Variants in LMX1B observed in about 807,000 individuals in gnomAD.
LMX1B encodes the protein LIM homeobox transcription factor 1 beta, also known as LIM homeobox transcription factor 1-beta.
A neutral mutation model predicts 51.4 loss-of-function variants in LMX1B; 12 were observed. The ratio of observed to expected loss-of-function variants is 0.23; its 90% CI spans 0.15 to 0.38. The LOEUF is 0.38. Ranked by LOEUF, LMX1B falls within the 10% of genes least tolerant of loss-of-function variation. LMX1B has a pLI of 1.00. For synonymous variants in LMX1B, 237 were observed against 235.4 expected, an observed-to-expected ratio of 1.01 and a Z score of -0.06; for missense variants, 445 against 571.1, an observed-to-expected ratio of 0.78 and a Z score of 2.25.
At chr9:126,685,682 G>C (rs181286571) in intron 2 of LMX1B, among the ~76,000 whole-genome samples, 2 of 152,302 alleles carry the variant, frequency 1.3e-5, no homozygotes, top group African/African-American at 2.4e-5. Flanking sequence ...CAGTGACGGG[G>C]TGTGGGAATG....
intron 1 of LMX1B, 52 bp downstream of exon 1, chr9:126,614,640 C>G (rs559931842): frequency 6.8e-7 from 1 of 1,474,598 alleles, no homozygotes; most frequent in Non-Finnish European, 9.0e-7. Context: ...GATGGGGCGT[C>G]GTCCGGCTGT....
chr9:126,680,058 A>G (rs1368540913), intron 2 of LMX1B, among the ~76,000 whole-genome samples: 1 of 152,176 alleles, frequency 6.6e-6, no homozygotes, highest in Non-Finnish European at 1.5e-5. Flanking sequence ...GAGAAATCCA[A>G]AGGCCTCTGC....
chr9:126,637,715 C>T (rs1321512321), intron 2 of LMX1B, among the ~76,000 whole-genome samples: 2 of 151,930 alleles, frequency 1.3e-5, no homozygotes, highest in East Asian at 1.9e-4. Flanking sequence ...ACCAAGGCTC[C>T]GAGAGCCAGC....
At chr9:126,637,383 G>A (rs62578133) in intron 2 of LMX1B, among the ~76,000 whole-genome samples, 26,301 of 151,954 alleles carry the variant, frequency 0.17, 3,162 homozygotes, top group East Asian at 0.42. Context: ...GTGGCTGAGG[G>A]TGCCCACCTG....
At chr9:126,646,797 G>C (rs1172104585) in intron 2 of LMX1B, among the ~76,000 whole-genome samples, 2 of 152,204 alleles carry the variant, frequency 1.3e-5, no homozygotes, top group East Asian at 3.9e-4. Flanking sequence ...CAAGGTTCCT[G>C]TTCATACTCA....
chr9:126,639,671 G>C (rs562990970), intron 2 of LMX1B, among the ~76,000 whole-genome samples: 4 of 152,196 alleles, frequency 2.6e-5, no homozygotes, highest in Admixed American at 6.5e-5. Context: ...CCCTGGCCCT[G>C]CCTGTGCAAG....
intron 2 of LMX1B, among the ~76,000 whole-genome samples, chr9:126,640,155 G>A (rs1477859642): frequency 6.6e-6 from 1 of 152,242 alleles, no homozygotes; most frequent in East Asian, 1.9e-4. Flanking sequence ...CGTTGAAGGG[G>A]GAGCCCTTTG....
intron 2 of LMX1B, among the ~76,000 whole-genome samples, chr9:126,683,510 C>T (rs901146653): frequency 1.3e-5 from 2 of 152,192 alleles, no homozygotes; most frequent in Non-Finnish European, 2.9e-5. Flanking sequence ...CTGACTCTAG[C>T]AGCAGCAGCC....
At chr9:126,676,356 G>A (rs1185795472) in intron 2 of LMX1B, among the ~76,000 whole-genome samples, 2 of 152,180 alleles carry the variant, frequency 1.3e-5, no homozygotes, top group East Asian at 3.9e-4. Flanking sequence ...CAGTCCCCAG[G>A]ATGGGCTGTC....
At chr9:126,631,889 G>A (rs1835642476) in intron 2 of LMX1B, among the ~76,000 whole-genome samples, 1 of 152,116 alleles carries the variant, frequency 6.6e-6, no homozygotes, top group Non-Finnish European at 1.5e-5. Flanking sequence ...AGTGGTTCCT[G>A]CCGATTTTGT....
At chr9:126,616,283 G>A (rs1421285594) in intron 2 of LMX1B, among the ~76,000 whole-genome samples, 1 of 152,220 alleles carries the variant, frequency 6.6e-6, no homozygotes, top group East Asian at 1.9e-4. Context: ...CTGGTAGTGT[G>A]TATTGAGGAG....
At chr9:126,696,228 G>A in intron 7 of LMX1B, 66 bp from the exon 8 acceptor site, 2 of 1,493,244 alleles carry the variant, frequency 1.3e-6, no homozygotes, top group Non-Finnish European at 1.9e-6. Context: ...CAGCCTACAG[G>A]GCAAACAGGG....
At chr9:126,690,614 C>G (rs1457632904) in intron 2 of LMX1B, among the ~76,000 whole-genome samples, 2 of 152,188 alleles carry the variant, frequency 1.3e-5, no homozygotes, top group African/African-American at 4.8e-5. Flanking sequence ...ACAGGTGACT[C>G]TAGGCAGGAT....
At position 126,641,164 on chromosome 9, in the gene LMX1B, G is replaced by A. The variant is rs1474585421; in HGVS notation, c.326+25595G>A. The A allele has an allele frequency of 6.6e-6, 1 of 152,318 alleles. No individual in the cohort carries two copies. Among genetic ancestry groups the A allele is most frequent in the East Asian group, 1.9e-4 (1 of 5,194 alleles). 9.4% of individuals were successfully genotyped at this position (152,318 alleles called of 1,614,324 possible). On this transcript the variant is annotated intron_variant, in intron 2 of 7. Transcript: ENST00000373474. This position sits in a 1 kb window ranked among gnomAD's most constrained non-coding sequence, Gnocchi z 4.1. ...AAACAGCCTTGGGCCTTCTGGGGAG[G>A]TCTGTGCAGGCTCCTCTGGCCTGTA...
intron 2 of LMX1B, among the ~76,000 whole-genome samples, chr9:126,666,772 G>GAGACAGC (rs1836349834): frequency 6.6e-6 from 1 of 152,164 alleles, no homozygotes; most frequent in Non-Finnish European, 1.5e-5. Flanking sequence ...AAAGAGACAG[G>GAGACAGC]AGACAGCAGA....
intron 2 of LMX1B, among the ~76,000 whole-genome samples, chr9:126,617,741 A>C (rs980144821): frequency 6.6e-6 from 1 of 152,122 alleles, no homozygotes; most frequent in Non-Finnish European, 1.5e-5. Context: ...GCACAGGGCG[A>C]ATCTCAGGTC....
chr9:126,633,608 T>A (rs1249533840), intron 2 of LMX1B, among the ~76,000 whole-genome samples: 2 of 151,934 alleles, frequency 1.3e-5, no homozygotes, highest in Non-Finnish European at 2.9e-5. Context: ...AGGGCAAAAT[T>A]AGTACCCTCC....
Position 126,671,764 on chromosome 9 carries a change from C to T in LMX1B, c.327-19072C>T, listed in dbSNP as rs1836457429. On this transcript the variant is annotated intron_variant, in intron 2 of 7. Transcript: ENST00000373474. This position sits in a 1 kb window ranked among gnomAD's most constrained non-coding sequence, Gnocchi z 4.4. ...CAGTGTAATATCCTGTGGGCTTACTCGGGGAGAGTGAGCGAGCCAGCTCCC... is the reference window on the plus strand; with the variant it reads ...CAGTGTAATATCCTGTGGGCTTACTTGGGGAGAGTGAGCGAGCCAGCTCCC... Among the ~76,000 whole-genome samples, 1 of 152,156 alleles carries T rather than the reference C, an allele frequency of 6.6e-6. No individual in the cohort carries two copies. Among genetic ancestry groups the T allele is most frequent in the Admixed American group, 6.5e-5 (1 of 15,290 alleles).
rs1442210821 is a variant in LMX1B, at chr9:126,658,237, G to A, written c.327-32599G>A. Among the ~76,000 whole-genome samples the A allele has an allele frequency of 2.0e-5, 3 of 152,096 alleles. No individual in the cohort carries two copies. Among genetic ancestry groups the A allele is most frequent in the Admixed American group, 6.5e-5 (1 of 15,276 alleles). On this transcript the variant is annotated intron_variant, in intron 2 of 7. Transcript: ENST00000373474. This position sits in a 1 kb window ranked among gnomAD's most constrained non-coding sequence, Gnocchi z 4.0. The stretch of plus-strand genomic sequence containing the variant: ...GGCAGGAGGGGGGTGAGTCTACAAA[G>A]GGTACCAAATGTCAGGCTTGGGGTT...
Sources: gnomAD v4.1 joint callset for allele counts (sites outside exome capture counted in the v4.1 genomes callset) on GRCh38, gnomAD v4.1.1 for gene constraint, Gnocchi (gnomAD v3.1) non-coding constraint, MANE v1.5 for transcripts, NCBI Gene and HGNC (gene_info 2026-07-23, HGNC 2026-07-21) for gene names.